Variants in CDKAL1 observed in about 807,000 individuals in gnomAD.
The protein encoded by CDKAL1 is CDKAL1 threonylcarbamoyladenosine tRNA methylthiotransferase.
In CDKAL1, 32 loss-of-function variants were observed where a neutral mutation model predicts 68.2. The observed-to-expected ratio is 0.47, with a 90% CI of 0.35 to 0.63. The LOEUF is 0.63. Among genes scored for constraint, CDKAL1 ranks in the 30% least tolerant of loss-of-function variants. CDKAL1 has a pLI of 0.00. For synonymous variants in CDKAL1, 234 were observed against 244.3 expected, an observed-to-expected ratio of 0.96 and a Z score of 0.39; for missense variants, 606 against 696.7, an observed-to-expected ratio of 0.87 and a Z score of 1.47.
intron 12 of CDKAL1, among the ~76,000 whole-genome samples, chr6:21,091,057 G>C (rs138550057): frequency 6.6e-6 from 1 of 152,060 alleles, no homozygotes; most frequent in African/African-American, 2.4e-5. Flanking sequence ...TCTGCCTCCC[G>C]ATGTGCTGTG....
At chr6:21,228,459 A>G (rs1276894722) in intron 15 of CDKAL1, among the ~76,000 whole-genome samples, 4 of 152,232 alleles carry the variant, frequency 2.6e-5, no homozygotes, top group African/African-American at 7.2e-5. Context: ...CCACACTTAT[A>G]AAGTGATGGT....
intron 11 of CDKAL1, among the ~76,000 whole-genome samples, chr6:21,016,046 G>A (rs1259171133): frequency 2.0e-5 from 3 of 151,322 alleles, no homozygotes; most frequent in Non-Finnish European, 2.9e-5. Context: ...CTTTTATGGT[G>A]TAATCCCCCA....
intron 4 of CDKAL1, among the ~76,000 whole-genome samples, chr6:20,553,206 A>T (rs1484216512): frequency 2.6e-5 from 4 of 152,150 alleles, no homozygotes; most frequent in Non-Finnish European, 5.9e-5. Context: ...GGATATAATT[A>T]TTCTGTGTTA....
intron 4 of CDKAL1, among the ~76,000 whole-genome samples, chr6:20,622,555 C>CTTA (rs1767241952): frequency 2.0e-5 from 3 of 151,984 alleles, no homozygotes; most frequent in Admixed American, 6.6e-5. Context: ...TGTTCAAAAG[C>CTTA]TTATAGTTTC....
At chr6:20,816,742 T>C (rs1419411905) in intron 8 of CDKAL1, among the ~76,000 whole-genome samples, 2 of 152,140 alleles carry the variant, frequency 1.3e-5, no homozygotes, top group African/African-American at 2.4e-5. Context: ...GTGTGGTATA[T>C]AACAAGACAT....
At chr6:20,644,699 A>G (rs1422578133) in intron 4 of CDKAL1, among the ~76,000 whole-genome samples, 1 of 151,914 alleles carries the variant, frequency 6.6e-6, no homozygotes, top group Non-Finnish European at 1.5e-5. Flanking sequence ...ACACAACAAA[A>G]AAAAGAATCT....
intron 11 of CDKAL1, among the ~76,000 whole-genome samples, chr6:21,064,553 T>G (rs1771319301): frequency 6.6e-6 from 1 of 152,166 alleles, no homozygotes; most frequent in Non-Finnish European, 1.5e-5. Flanking sequence ...AATTATTAAC[T>G]CTAGGAAAAA....
At chr6:20,568,624 G>A (rs977559593) in intron 4 of CDKAL1, among the ~76,000 whole-genome samples, 4 of 151,306 alleles carry the variant, frequency 2.6e-5, no homozygotes, top group East Asian at 2.0e-4. Context: ...AGTCCCAGCT[G>A]CTTGGAAGGC....
intron 6 of CDKAL1, among the ~76,000 whole-genome samples, chr6:20,753,483 C>G (rs1188575706): frequency 6.6e-6 from 1 of 152,184 alleles, no homozygotes; most frequent in Non-Finnish European, 1.5e-5. Context: ...CAGTAGCAGG[C>G]TGTACAGGTT....
chr6:20,538,839 T>G (rs966028189), intron 2 of CDKAL1, among the ~76,000 whole-genome samples: 3 of 152,226 alleles, frequency 2.0e-5, no homozygotes, highest in African/African-American at 7.2e-5. Flanking sequence ...TAAATTCAAC[T>G]TAAGCATTGT....
chr6:21,032,889 A>T (rs1769374206), intron 11 of CDKAL1, among the ~76,000 whole-genome samples: 5 of 152,222 alleles, frequency 3.3e-5, no homozygotes, highest in Admixed American at 3.3e-4. Context: ...AAATAGATAA[A>T]TAATTCCTGG....
chr6:20,916,961 G>A (rs571988248), intron 9 of CDKAL1, among the ~76,000 whole-genome samples: 33 of 152,056 alleles, frequency 2.2e-4, no homozygotes, highest in African/African-American at 6.3e-4. Context: ...AAAAGCATTC[G>A]TTCATTTGTC....
chr6:21,093,504 T>C (rs181231368), intron 12 of CDKAL1, among the ~76,000 whole-genome samples: 55 of 152,198 alleles, frequency 3.6e-4, no homozygotes, highest in Non-Finnish European at 1.5e-5. Flanking sequence ...CAGCCATGTA[T>C]CAGAGCTGGA....
chr6:21,107,137 C>T (rs977123296), intron 12 of CDKAL1, among the ~76,000 whole-genome samples: 6 of 151,658 alleles, frequency 4.0e-5, no homozygotes, highest in Non-Finnish European at 7.4e-5. Flanking sequence ...TTAGTAGAGA[C>T]GGGGTTTTAC....
chr6:21,217,823 G>A (rs2100707), intron 15 of CDKAL1, among the ~76,000 whole-genome samples: 97,677 of 152,068 alleles, frequency 0.64, 33,393 homozygotes, highest in African/African-American at 0.9. Context: ...GGAACTCGCT[G>A]TGTTGCCCAG....
At chr6:20,955,949 A>C (rs1296611124) in intron 10 of CDKAL1, among the ~76,000 whole-genome samples, 2 of 152,226 alleles carry the variant, frequency 1.3e-5, no homozygotes, top group African/African-American at 2.4e-5. Flanking sequence ...CGCAACCCAC[A>C]GTCAATATTG....
At chr6:20,833,368 A>G (rs559727679) in intron 8 of CDKAL1, among the ~76,000 whole-genome samples, 1 of 152,224 alleles carries the variant, frequency 6.6e-6, no homozygotes, top group African/African-American at 2.4e-5. Context: ...TCCTTTTCCT[A>G]TACGTGTTCT....
chr6:20,586,701 CTGTT>C (rs1252562431), intron 4 of CDKAL1, among the ~76,000 whole-genome samples: 2 of 152,106 alleles, frequency 1.3e-5, no homozygotes, highest in East Asian at 3.9e-4. Context: ...GGCCATGTGT[CTGTT>C]AAGTACTTCA....
Position 20,987,383 on chromosome 6 carries a change from C to G in CDKAL1, c.910-12844C>G, listed in dbSNP as rs569008960. On this transcript the variant is annotated intron_variant, in intron 10 of 15. Coordinates refer to ENST00000274695, the MANE Select transcript of CDKAL1 (RefSeq NM_017774.3). ...AAGTGATTGTCCTCAGCCTCCTGAG[C>G]AGCTGGGACTATAGGTGTGCACCAC... 2.6e-5 allele frequency among the ~76,000 whole-genome samples: 4 copies of G among 151,858 alleles called. No individual in the cohort carries two copies. The East Asian group carries it at 7.8e-4, about 29-fold the overall frequency.
Sources: gnomAD v4.1 joint callset for allele counts (sites outside exome capture counted in the v4.1 genomes callset) on GRCh38, gnomAD v4.1.1 for gene constraint, MANE v1.5 for transcripts, NCBI Gene and HGNC (gene_info 2026-07-23, HGNC 2026-07-21) for gene names.